RASGRP1: variants seen among roughly 807,000 people sequenced by gnomAD.
RASGRP1 encodes RAS guanyl-releasing protein 1.
RASGRP1 carries 37 observed loss-of-function variants against 95.1 expected under a neutral mutation model. The ratio of observed to expected loss-of-function variants is 0.39; its 90% confidence interval spans 0.30 to 0.51. The LOEUF is 0.51. RASGRP1 is among the 20% of genes least tolerant of loss of function. The probability of loss-of-function intolerance (pLI) is 0.80; values close to 1 mark genes in which losing one functional copy is unlikely to be tolerated. For synonymous variants in RASGRP1, 325 were observed against 353.4 expected (o/e 0.92, Z 0.90); for missense variants, 711 against 965.4 (o/e 0.74, Z 3.49).
chr15:38,507,653 T>C, intron 9 of RASGRP1, 73 bp downstream of exon 9: 1 of 1,460,158 alleles, frequency 6.8e-7, no homozygotes, highest in African/African-American at 1.4e-5. Flanking sequence ...ACAGCTAATA[T>C]TTGGTAAGGG....
intron 12 of RASGRP1, among the ~76,000 whole-genome samples, chr15:38,502,107 G>A (rs979681663): frequency 1.3e-5 from 2 of 152,214 alleles, no homozygotes; most frequent in East Asian, 1.9e-4. Flanking sequence ...TGCCCACCTC[G>A]GCCTCCCAAA....
At chr15:38,546,357 G>A (rs780750781) in intron 2 of RASGRP1, among the ~76,000 whole-genome samples, 5 of 151,914 alleles carry the variant, frequency 3.3e-5, no homozygotes, top group African/African-American at 4.8e-5. Context: ...ATTCTGTTGC[G>A]GCTGGGGCTA....
intron 16 of RASGRP1, 28 bp downstream of exon 16, chr15:38,494,353 GA>G: frequency 1.9e-6 from 3 of 1,611,228 alleles, no homozygotes; most frequent in South Asian, 1.1e-5. Context: ...AAGATAGTCT[GA>G]AAAAAAGGAA....
chr15:38,516,832 G>A (rs898520162), intron 5 of RASGRP1, among the ~76,000 whole-genome samples: 3 of 152,136 alleles, frequency 2.0e-5, no homozygotes, highest in Non-Finnish European at 4.4e-5. Context: ...CATAAAGGGA[G>A]GGAATCACGC....
chr15:38,563,846 C>T (rs1893911805), intron 1 of RASGRP1, among the ~76,000 whole-genome samples: 1 of 152,172 alleles, frequency 6.6e-6, no homozygotes, highest in South Asian at 2.1e-4. Flanking sequence ...CCATCAGTGT[C>T]GATGTGAATG....
At chr15:38,519,185 GACT>G in intron 4 of RASGRP1, 121 bp downstream of exon 4, 1 of 605,022 alleles carries the variant, frequency 1.7e-6, no homozygotes, top group Non-Finnish European at 2.7e-6. Flanking sequence ...TGTTATGAAG[GACT>G]ACCCTTTTCC....
intron 2 of RASGRP1, among the ~76,000 whole-genome samples, chr15:38,546,279 G>A (rs185809982): frequency 7.2e-5 from 11 of 152,144 alleles, no homozygotes; most frequent in East Asian, 3.9e-4. Context: ...GTGCGGTGGC[G>A]CAATCTTGGC....
chr15:38,548,721 C>A (rs1479840824), intron 2 of RASGRP1, among the ~76,000 whole-genome samples: 1 of 152,216 alleles, frequency 6.6e-6, no homozygotes. Flanking sequence ...TATGTGTACA[C>A]ACACATAATT....
chr15:38,551,355 T>C (rs1473059120), intron 2 of RASGRP1, among the ~76,000 whole-genome samples: 2 of 152,196 alleles, frequency 1.3e-5, no homozygotes, highest in African/African-American at 4.8e-5. Flanking sequence ...GAAATCATTT[T>C]AATGGTATCA....
chr15:38,490,522 T>C lies in RASGRP1; in HGVS notation c.*32A>G, dbSNP rs571783928. 6.2e-7 allele frequency: 1 copy of C among 1,603,698 alleles called. No individual in the cohort carries two copies. The highest frequency in any genetic ancestry group is 1.3e-5 in the African/African-American group (1 of 74,726). ...AGTTTAGGAAATGAGATCACTATACTCATCTACAGATTGTGCTACTTAGTT... is the reference window on the plus strand; with the variant it reads ...AGTTTAGGAAATGAGATCACTATACCCATCTACAGATTGTGCTACTTAGTT... On this transcript the variant is annotated 3_prime_UTR_variant, in exon 17 of 17. Coordinates refer to ENST00000310803, the MANE Select transcript of RASGRP1 (RefSeq NM_005739.4).
rs1359481402 is a variant in RASGRP1, at chr15:38,559,936, GA to G, written c.104del (p.Phe35SerfsTer15). 1 of 1,613,698 alleles carries G rather than the reference GA, an allele frequency of 6.2e-7. No homozygotes were observed. The highest frequency in any genetic ancestry group is 8.5e-7 in the Non-Finnish European group (1 of 1,179,682). ...RLEAKPANSPFPSHPSLAHIT... is the reference protein window; with the variant it reads ...RLEAKPANSPXPSHPSLAHIT... ...TGTGGGCCAAGCTGGGATGGGAGGG[GA>G]AGGGGCTGTTGGCTGGCTTTGCCTC... is the stretch of plus-strand genomic sequence containing the variant. On this transcript the variant is annotated frameshift_variant, in exon 2 of 17. Transcript: ENST00000310803. LOFTEE classifies it high-confidence loss of function.
chr15:38,549,285 T>C (rs1302150594), intron 2 of RASGRP1, among the ~76,000 whole-genome samples: 1 of 152,252 alleles, frequency 6.6e-6, no homozygotes, highest in Non-Finnish European at 1.5e-5. Flanking sequence ...ATTTGGCATT[T>C]AATAAGTGAA....
At chr15:38,510,669 A>T (rs1891473929) in intron 8 of RASGRP1, among the ~76,000 whole-genome samples, 2 of 152,280 alleles carry the variant, frequency 1.3e-5, no homozygotes, top group African/African-American at 4.8e-5. Context: ...TATTTATAAC[A>T]ACAGCTCCAG....
chr15:38,508,637 ATAGAC>A (rs1891363679), intron 8 of RASGRP1, among the ~76,000 whole-genome samples: 1 of 152,234 alleles, frequency 6.6e-6, no homozygotes, highest in African/African-American at 2.4e-5. Context: ...AAAAGACTGA[ATAGAC>A]TAGATCAATT....
At chr15:38,563,148 G>T (rs1281464172) in intron 1 of RASGRP1, among the ~76,000 whole-genome samples, 1 of 152,198 alleles carries the variant, frequency 6.6e-6, no homozygotes, top group Non-Finnish European at 1.5e-5. Context: ...GTTGCCTTGT[G>T]AAAAATCCTC....
chr15:38,545,444 T>C (rs1456288633), intron 2 of RASGRP1, among the ~76,000 whole-genome samples: 3 of 152,128 alleles, frequency 2.0e-5, no homozygotes, highest in Non-Finnish European at 2.9e-5. Flanking sequence ...AGAGAAATGC[T>C]GGATTATTAA....
chr15:38,534,385 C>CAT lies in RASGRP1; in HGVS notation c.221-7983_221-7982dup, dbSNP rs1241894942. The CAT allele has an allele frequency of 2.9e-3, 438 of 152,336 alleles. 5 individuals carry two copies. Among genetic ancestry groups the CAT allele is most frequent in the African/African-American group, 0.01 (421 of 41,564 alleles). The allele number at this position is 152,336 out of a possible 1,614,324, so 9.4% of individuals were successfully genotyped here. A position where few individuals can be genotyped will look rare whatever the true frequency, so the allele number is the denominator to read the frequency against. ...ACCTGGTATGTCATACCCTGGCCCA[C>CAT]ATAGGACAGCCTGCCATATAGTTAG... On this transcript the variant is annotated intron_variant, in intron 2 of 16. Transcript: ENST00000310803.
chr15:38,545,204 T>C lies in RASGRP1; in HGVS notation c.220+14617A>G, dbSNP rs1893062358. ...TCTTTTCAGGTTCTGCCATCTTATA[T>C]CCTCACAGATGTTATTTCTGTATAA... On this transcript the variant is annotated intron_variant, in intron 2 of 16. Coordinates refer to ENST00000310803, the MANE Select transcript of RASGRP1 (RefSeq NM_005739.4). Among the ~76,000 whole-genome samples, 6 of 152,244 alleles carry C rather than the reference T, an allele frequency of 3.9e-5. No homozygotes were observed. The South Asian group carries it at 1.2e-3, about 32-fold the overall frequency.
At chr15:38,501,546 ACTAT>A (rs1269019149) in intron 12 of RASGRP1, 26 of 595,202 alleles carry the variant, frequency 4.4e-5, no homozygotes, top group Non-Finnish European at 2.2e-5. Flanking sequence ...TAACTTGACC[ACTAT>A]CTATAAGACT....
Sources: gnomAD v4.1 joint callset for allele counts (sites outside exome capture counted in the v4.1 genomes callset) on GRCh38, gnomAD v4.1.1 for gene constraint, MANE v1.5 for transcripts, NCBI Gene and HGNC (gene_info 2026-07-23, HGNC 2026-07-21) for gene names.